The following PCDH7 variants were observed in gnomAD, a reference collection of about 807,000 sequenced individuals.
The protein encoded by PCDH7 is protocadherin 7.
In PCDH7, 17 loss-of-function variants were observed where a neutral mutation model predicts 58.9. The observed-to-expected ratio is 0.29, with a 90% CI of 0.20 to 0.43. The LOEUF (loss-of-function observed/expected upper bound fraction) is 0.43, where lower values mean the gene tolerates loss of function less well. Ranked by LOEUF, PCDH7 falls within the 20% of genes least tolerant of loss-of-function variation. The pLI, the probability that PCDH7 is intolerant of heterozygous loss-of-function variation, is 1.00. For synonymous variants in PCDH7, 664 were observed against 616.4 expected (o/e 1.08, Z -1.14); for missense variants, 1,274 against 1,441.0 (o/e 0.88, Z 1.88).
intron 1 of PCDH7, among the ~76,000 whole-genome samples, chr4:30,841,548 C>T (rs376544488): frequency 2.0e-5 from 3 of 152,002 alleles, no homozygotes; most frequent in South Asian, 4.1e-4. Context: ...GTTTTTCTGA[C>T]GTGATGTGAT....
intron 3 of PCDH7, among the ~76,000 whole-genome samples, chr4:30,991,160 G>A (rs765746870): frequency 1.4e-4 from 21 of 152,222 alleles, no homozygotes; most frequent in East Asian, 3.9e-4. Context: ...ATATAATCTG[G>A]AAGCAATCAA....
At chr4:30,856,852 A>G (rs1292975674) in intron 1 of PCDH7, among the ~76,000 whole-genome samples, 2 of 152,010 alleles carry the variant, frequency 1.3e-5, no homozygotes, top group Admixed American at 6.6e-5. Context: ...TTACTGTCAA[A>G]AAGAAATATA....
intron 1 of PCDH7, among the ~76,000 whole-genome samples, chr4:30,836,043 T>C (rs1433004927): frequency 6.6e-6 from 1 of 152,196 alleles, no homozygotes; most frequent in Non-Finnish European, 1.5e-5. Context: ...AACAAAGAGA[T>C]TGAAGATGTT....
intron 1 of PCDH7, among the ~76,000 whole-genome samples, chr4:30,872,718 A>G (rs1735780486): frequency 6.6e-6 from 1 of 152,108 alleles, no homozygotes; most frequent in South Asian, 2.1e-4. Context: ...GTAGTTTTTT[A>G]CATAGCACTT....
rs1291913460 is a variant in PCDH7, at chr4:30,721,402, T to C, written c.-21T>C. 1 of 1,472,256 alleles carries C rather than the reference T, an allele frequency of 6.8e-7. No homozygotes were observed. Among genetic ancestry groups the C allele is most frequent in the Non-Finnish European group, 9.0e-7 (1 of 1,113,624 alleles). The allele number at this position is 1,472,256 out of a possible 1,614,324, so 91.2% of individuals were successfully genotyped here. A position where few individuals can be genotyped will look rare whatever the true frequency, so the allele number is the denominator to read the frequency against. ...AGGGGGCTGTGGTTAGAAGGAGCAG[T>C]AGCAGCAGCAGCAGGAGAAGATGCT... On this transcript the variant is annotated 5_prime_UTR_variant, in exon 1 of 2. Transcript: ENST00000361762. The surrounding 1 kb of genome is among the most constrained non-coding windows in gnomAD (Gnocchi z 6.7).
intron 1 of PCDH7, among the ~76,000 whole-genome samples, chr4:30,876,450 A>T (rs1245287262): frequency 6.6e-6 from 1 of 152,128 alleles, no homozygotes; most frequent in Non-Finnish European, 1.5e-5. Context: ...ATTGGTAGTA[A>T]AAAACAATAA....
chr4:31,137,940 G>T (rs1719810763), intron 3 of PCDH7, among the ~76,000 whole-genome samples: 1 of 152,212 alleles, frequency 6.6e-6, no homozygotes, highest in Non-Finnish European at 1.5e-5. Flanking sequence ...AGGACCTGGA[G>T]TAGAGTGAGT....
intron 3 of PCDH7, among the ~76,000 whole-genome samples, chr4:30,977,226 C>A (rs1449106142): frequency 6.6e-6 from 1 of 152,130 alleles, no homozygotes; most frequent in Non-Finnish European, 1.5e-5. Flanking sequence ...AGGTTCTATT[C>A]TCTGGGCCAC....
intron 3 of PCDH7, among the ~76,000 whole-genome samples, chr4:31,125,965 C>T (rs1476390241): frequency 6.6e-6 from 1 of 152,128 alleles, no homozygotes; most frequent in Non-Finnish European, 1.5e-5. Context: ...GGGCACAGGT[C>T]TGGCATCAGA....
intron 3 of PCDH7, among the ~76,000 whole-genome samples, chr4:30,953,044 A>G (rs1747518901): frequency 6.6e-6 from 1 of 152,152 alleles, no homozygotes; most frequent in Non-Finnish European, 1.5e-5. Context: ...TTAGTCATGA[A>G]ATTTTAAGAG....
rs547769542 is a variant in PCDH7 at position 30,914,903 on chromosome 4, T to C, written c.71-5250T>C. ...AAGGTTTCTTGGAATAGAATTCTTTTCTTGTTCTGTTATTTTTTGTGTACT... is the reference window on the plus strand; with the variant it reads ...AAGGTTTCTTGGAATAGAATTCTTTCCTTGTTCTGTTATTTTTTGTGTACT... On this transcript the variant is annotated intron_variant, in intron 1 of 3. Coordinates refer to the PCDH7 transcript ENST00000509759. Among the ~76,000 whole-genome samples the C allele has an allele frequency of 2.0e-5, 3 of 152,328 alleles. No homozygotes were observed. In the South Asian group the frequency reaches 6.2e-4, roughly 32 times the overall value.
chr4:30,808,113 G>A (rs909405510), intron 1 of PCDH7, among the ~76,000 whole-genome samples: 3 of 152,180 alleles, frequency 2.0e-5, no homozygotes, highest in African/African-American at 7.2e-5. Context: ...CAGATGGATA[G>A]AAGAGATGAA....
chr4:31,075,850 T>C (rs916679597), intron 3 of PCDH7, among the ~76,000 whole-genome samples: 23 of 152,208 alleles, frequency 1.5e-4, no homozygotes, highest in African/African-American at 5.3e-4. Flanking sequence ...ACTTTTTCTA[T>C]GGAAAATTTC....
intron 1 of PCDH7, among the ~76,000 whole-genome samples, chr4:30,873,161 T>C (rs1437948689): frequency 5.3e-5 from 8 of 152,028 alleles, no homozygotes; most frequent in Admixed American, 4.6e-4. Context: ...CTACTTCTGC[T>C]CAACTGGGGA....
chr4:31,128,077 A>G (rs989229917), intron 3 of PCDH7, among the ~76,000 whole-genome samples: 2 of 148,792 alleles, frequency 1.3e-5, no homozygotes, highest in East Asian at 2.1e-4. Context: ...ATGTGTGTGT[A>G]TATATATGCA....
At chr4:31,106,585 C>T (rs1029002317) in intron 3 of PCDH7, among the ~76,000 whole-genome samples, 1 of 152,296 alleles carries the variant, frequency 6.6e-6, no homozygotes, top group Middle Eastern at 3.4e-3. Context: ...AGTGGATCTG[C>T]CTTTAGGCAG....
At chr4:30,981,754 C>T (rs772786288) in intron 3 of PCDH7, among the ~76,000 whole-genome samples, 28 of 152,086 alleles carry the variant, frequency 1.8e-4, no homozygotes, top group East Asian at 5.8e-4. Flanking sequence ...ATGCCAGTGT[C>T]GATCTGATAT....
At chr4:31,036,030 C>A (rs921175686) in intron 3 of PCDH7, among the ~76,000 whole-genome samples, 1 of 152,176 alleles carries the variant, frequency 6.6e-6, no homozygotes, top group Admixed American at 6.5e-5. Context: ...TAAACTTGAA[C>A]AAAATCTTAG....
intron 3 of PCDH7, among the ~76,000 whole-genome samples, chr4:31,105,865 G>A (rs543040963): frequency 6.6e-6 from 1 of 152,022 alleles, no homozygotes; most frequent in African/African-American, 2.4e-5. Flanking sequence ...AAATTAGCTG[G>A]GCATGGTGGC....
Sources: gnomAD v4.1 joint callset for allele counts (sites outside exome capture counted in the v4.1 genomes callset) on GRCh38, gnomAD v4.1.1 for gene constraint, Gnocchi (gnomAD v3.1) non-coding constraint, MANE v1.5 for transcripts, NCBI Gene and HGNC (gene_info 2026-07-23, HGNC 2026-07-21) for gene names.